Variants in UBALD1 observed in about 807,000 individuals in gnomAD.
UBALD1 encodes the protein UBA like domain containing 1.
Under a neutral mutation model 16.1 loss-of-function variants are expected in UBALD1, and 5 were observed. The ratio of observed to expected loss-of-function variants is 0.31; its 90% confidence interval spans 0.16 to 0.66. The LOEUF is 0.66. Ranked by LOEUF, UBALD1 falls within the 30% of genes least tolerant of loss-of-function variation. The pLI, the probability that UBALD1 is intolerant of heterozygous loss-of-function variation, is 0.77. For missense variants in UBALD1, 220 were observed against 252.8 expected, an observed-to-expected ratio of 0.87 and a Z score of 0.88; for synonymous variants, 146 against 105.3, an observed-to-expected ratio of 1.39 and a Z score of -2.37.
intron 1 of UBALD1, 137 bp downstream of exon 1, chr16:4,614,541 G>T: frequency 7.7e-7 from 1 of 1,305,364 alleles, no homozygotes; most frequent in Non-Finnish European, 9.9e-7. Context: ...CACCGCCGTC[G>T]GGAAAGCGGG....
rs540829723 is a variant in UBALD1, at chr16:4,610,446, G to A, written c.183+47C>T. 4.0e-5 allele frequency: 62 copies of A among 1,558,426 alleles called. No homozygotes were observed. The East Asian group carries it at 9.7e-4, about 24-fold the overall frequency. On this transcript the variant is annotated intron_variant, in intron 2 of 2. Transcript: ENST00000283474. ...GGCTGCTTATACACAGAACTAGCTC[G>A]GCCTCCTTCCGCCCAATCCAGAACT...
chr16:4,609,711 A>C lies in UBALD1; in HGVS notation c.456T>G (p.Ala152=). 1 of 1,483,438 alleles carries C rather than the reference A, an allele frequency of 6.7e-7. No homozygotes were observed. The highest frequency in any genetic ancestry group is 8.9e-7 in the Non-Finnish European group (1 of 1,118,990). The allele number at this position is 1,483,438 out of a possible 1,614,324, so 91.9% of individuals were successfully genotyped here. Residue 152 remains alanine (A), a synonymous_variant, in exon 3 of 3, where the codon GCT becomes GCG. Coordinates refer to ENST00000283474, the MANE Select transcript of UBALD1 (RefSeq NM_145253.3). ...PLWTPTPPSP[A]SDWPPLAPQQ... The stretch of plus-strand genomic sequence containing the variant: ...GGGGGGCCAGGGGTGGCCAGTCTGA[A>C]GCCGGAGAAGGGGGTGTTGGAGTCC...
chr16:4,609,701 G>T lies in UBALD1; in HGVS notation c.466C>A (p.Pro156Thr). ...GTGGCCTGTTGGGGGGCCAGGGGTGGCCAGTCTGAAGCCGGAGAAGGGGGT... is the reference window on the plus strand; with the variant it reads ...GTGGCCTGTTGGGGGGCCAGGGGTGTCCAGTCTGAAGCCGGAGAAGGGGGT... ...PTPPSPASDWPPLAPQQATSE... is the reference protein window; with the variant it reads ...PTPPSPASDWTPLAPQQATSE... The change falls in exon 3 of 3, where the codon CCA becomes ACA. Residue 156 changes from proline to threonine, a missense_variant. Pro to Thr is a conservative substitution (Grantham distance 38). Coordinates refer to ENST00000283474, the MANE Select transcript of UBALD1 (RefSeq NM_145253.3). The T allele has an allele frequency of 6.7e-7, 1 of 1,482,294 alleles. No individual in the cohort carries two copies. Among genetic ancestry groups the T allele is most frequent in the Non-Finnish European group, 8.9e-7 (1 of 1,118,598 alleles). 91.8% of individuals were successfully genotyped at this position (1,482,294 alleles called of 1,614,324 possible).
chr16:4,609,631 C>T lies in UBALD1; in HGVS notation c.*2G>A. The T allele has an allele frequency of 3.6e-6, 5 of 1,372,354 alleles. No individual in the cohort carries two copies. The highest frequency in any genetic ancestry group is 3.7e-5 in the South Asian group (2 of 53,644). 85.0% of individuals were successfully genotyped at this position (1,372,354 alleles called of 1,614,324 possible). ...GCCTCCGGGAGGGGGGAGGGGCCTC[C>T]CTTATCTCTCTGCCTCCATGGCAGG... is the stretch of plus-strand genomic sequence containing the variant. On this transcript the variant is annotated 3_prime_UTR_variant, in exon 3 of 3. Coordinates refer to ENST00000283474, the MANE Select transcript of UBALD1 (RefSeq NM_145253.3).
At position 4,614,809 on chromosome 16, in the gene UBALD1, G is replaced by A. The variant is rs745875512; in HGVS notation, c.-12C>T. ...ATGTTCACGGACATGGCGCCGCCGC[G>A]CTGCCCGCTCCGGCCTCCCTCCTCC... On this transcript the variant is annotated 5_prime_UTR_variant, in exon 1 of 3. Transcript: ENST00000283474. 1.0e-5 allele frequency: 15 copies of A among 1,492,592 alleles called. No individual in the cohort carries two copies. The highest frequency in any genetic ancestry group is 1.3e-5 in the Non-Finnish European group (15 of 1,120,666). 92.5% of individuals were successfully genotyped at this position (1,492,592 alleles called of 1,614,324 possible). A position where few individuals can be genotyped will look rare whatever the true frequency, so the allele number is the denominator to read the frequency against.
At chr16:4,613,451 T>C (rs953849477) in intron 1 of UBALD1, among the ~76,000 whole-genome samples, 19 of 152,164 alleles carry the variant, frequency 1.2e-4, no homozygotes, top group Admixed American at 3.3e-4. Flanking sequence ...CTGGATGGGA[T>C]GGCCACTGCC....
chr16:4,609,706 T>G lies in UBALD1; in HGVS notation c.461A>C (p.Asp154Ala). 2 of 1,484,526 alleles carry G rather than the reference T, an allele frequency of 1.3e-6. No individual in the cohort carries two copies. The highest frequency in any genetic ancestry group is 1.8e-6 in the Non-Finnish European group (2 of 1,119,666). 92.0% of individuals were successfully genotyped at this position (1,484,526 alleles called of 1,614,324 possible). A position where few individuals can be genotyped will look rare whatever the true frequency, so the allele number is the denominator to read the frequency against. ...CTGTTGGGGGGCCAGGGGTGGCCAG[T>G]CTGAAGCCGGAGAAGGGGGTGTTGG... ...WTPTPPSPASDWPPLAPQQAT... is the reference protein window; with the variant it reads ...WTPTPPSPASAWPPLAPQQAT... Residue 154 changes from aspartate (D) to alanine (A), a missense_variant, in exon 3 of 3, where the codon GAC (aspartate) becomes GCC (alanine). Coordinates refer to ENST00000283474, the MANE Select transcript of UBALD1 (RefSeq NM_145253.3).
chr16:4,610,353 T>C, intron 2 of UBALD1, 140 bp downstream of exon 2: 1 of 877,290 alleles, frequency 1.1e-6, no homozygotes, highest in Non-Finnish European at 1.8e-6. Flanking sequence ...GAGCCGGGAC[T>C]CCTGCTGACC....
chr16:4,611,750 C>T (rs963031867), intron 1 of UBALD1, among the ~76,000 whole-genome samples: 1 of 152,184 alleles, frequency 6.6e-6, no homozygotes, highest in Non-Finnish European at 1.5e-5. Context: ...CAGAGGGAGG[C>T]GCTGGGATTT....
rs775239431 is a variant in UBALD1, at chr16:4,610,520, G to A, written c.156C>T (p.Ile52=). ...ALSAFFQETN[I]PYSHHHHQMM... The stretch of plus-strand genomic sequence containing the variant: ...TCTGGTGGTGATGGTGGCTGTAGGG[G>A]ATGTTGGTCTCCTGGAAAAAGGCGC... Residue 52 remains isoleucine, a synonymous_variant, in exon 2 of 3, where the codon ATC becomes ATT. Transcript: ENST00000283474. 1 of 1,612,434 alleles carries A rather than the reference G, an allele frequency of 6.2e-7. No homozygotes were observed. The highest frequency in any genetic ancestry group is 8.5e-7 in the Non-Finnish European group (1 of 1,179,224).
rs35403269 is a variant in UBALD1, at chr16:4,612,063, A to ATT, written c.121-1510_121-1509dup. On this transcript the variant is annotated intron_variant, in intron 1 of 2. Transcript: ENST00000283474. The stretch of plus-strand genomic sequence containing the variant: ...GGGGTATGGGTGGGAGGCTATTTAG[A>ATT]TTTTTTTTTTTTTTTTTTTTGAGAC... Among the ~76,000 whole-genome samples, 98 of 117,146 alleles carry ATT rather than the reference A, an allele frequency of 8.4e-4. 1 individual carries two copies. Among genetic ancestry groups the ATT allele is most frequent in the African/African-American group, 2.8e-3 (94 of 34,008 alleles). The allele number at this position is 117,146 out of a possible 152,430, so 76.9% of individuals were successfully genotyped here.
intron 2 of UBALD1, 73 bp from the exon 3 acceptor site, chr16:4,610,056 G>T: frequency 8.5e-7 from 1 of 1,170,100 alleles, no homozygotes; most frequent in Non-Finnish European, 1.2e-6. Flanking sequence ...CCCAAGGGGA[G>T]ATGCGTGGCT....
chr16:4,614,561 C>T, intron 1 of UBALD1, 117 bp downstream of exon 1: 2 of 1,292,032 alleles, frequency 1.5e-6, no homozygotes, highest in South Asian at 2.2e-5. Context: ...GTCGGGTCTG[C>T]GGCCCGGAGG....
At position 4,609,637 on chromosome 16, in the gene UBALD1, CT is replaced by C; in HGVS notation, c.529del (p.Arg177AspfsTer47). 7.2e-7 allele frequency: 1 copy of C among 1,396,416 alleles called. No homozygotes were observed. The highest frequency in any genetic ancestry group is 9.3e-7 in the Non-Finnish European group (1 of 1,070,456). The allele number at this position is 1,396,416 out of a possible 1,614,324, so 86.5% of individuals were successfully genotyped here. On this transcript the variant is annotated frameshift_variant, in exon 3 of 3. Coordinates refer to ENST00000283474, the MANE Select transcript of UBALD1 (RefSeq NM_145253.3). LOFTEE classifies it high-confidence loss of function. ...PRAHPAMEAE[R>X] ...GGGAGGGGGGAGGGGCCTCCCTTAT[CT>C]CTCTGCCTCCATGGCAGGGTGGGCC...
intron 2 of UBALD1, 81 bp from the exon 3 acceptor site, chr16:4,610,064 G>T: frequency 1.8e-6 from 2 of 1,098,170 alleles, no homozygotes; most frequent in Non-Finnish European, 2.7e-6. Context: ...GAGATGCGTG[G>T]CTGGCCCATT....
rs1040875328 is a variant in UBALD1 at position 4,609,454 on chromosome 16, G to C, written c.*179C>G. 2 of 406,626 alleles carry C rather than the reference G, an allele frequency of 4.9e-6. No individual in the cohort carries two copies. The highest frequency in any genetic ancestry group is 4.1e-5 in the African/African-American group (2 of 48,674). The allele number at this position is 406,626 out of a possible 1,614,324, so 25.2% of individuals were successfully genotyped here. Reference sequence around the variant, plus strand: ...GGCCGCTGGGGCCATGACCTTGCGTGTGGGCAGCTGCGTGTTCTGGCACCA... The same window carrying C: ...GGCCGCTGGGGCCATGACCTTGCGTCTGGGCAGCTGCGTGTTCTGGCACCA... On this transcript the variant is annotated 3_prime_UTR_variant, in exon 3 of 3. Coordinates refer to ENST00000283474, the MANE Select transcript of UBALD1 (RefSeq NM_145253.3).
At chr16:4,614,240 C>A in intron 1 of UBALD1, 1 of 339,798 alleles carries the variant, frequency 2.9e-6, no homozygotes. Flanking sequence ...TGTGCGCACG[C>A]CGCCGACCGC....
intron 1 of UBALD1, chr16:4,614,299 CTCCG>C: frequency 2.8e-6 from 1 of 359,098 alleles, no homozygotes; most frequent in Admixed American, 4.7e-5. Context: ...CGGCTCCGCC[CTCCG>C]GCCCAGCTCT....
chr16:4,613,577 G>A (rs1257451955), intron 1 of UBALD1, among the ~76,000 whole-genome samples: 1 of 152,134 alleles, frequency 6.6e-6, no homozygotes, highest in African/African-American at 2.4e-5. Flanking sequence ...GGCTCCTCAT[G>A]GAGAAACCAG....
Sources: gnomAD v4.1 joint callset for allele counts (sites outside exome capture counted in the v4.1 genomes callset) on GRCh38, gnomAD v4.1.1 for gene constraint, MANE v1.5 for transcripts, NCBI Gene and HGNC (gene_info 2026-07-23, HGNC 2026-07-21) for gene names.